Variants in SIL1 observed in about 807,000 individuals in gnomAD.
The protein encoded by SIL1 is SIL1 nucleotide exchange factor.
Under a neutral mutation model 49.1 loss-of-function variants are expected in SIL1, and 40 were observed. That is an observed-to-expected ratio of 0.81 (90% CI 0.63 to 1.06). The LOEUF (loss-of-function observed/expected upper bound fraction) is 1.06, where lower values mean the gene tolerates loss of function less well. SIL1 is among the 50% of genes least tolerant of loss of function. The pLI, the probability that SIL1 is intolerant of heterozygous loss-of-function variation, is 0.00. For synonymous variants in SIL1, 253 were observed against 250.8 expected, an observed-to-expected ratio of 1.01 and a Z score of -0.08; for missense variants, 500 against 572.6, an observed-to-expected ratio of 0.87 and a Z score of 1.29.
chr5:139,143,344 C>CACACAT (rs1451727500), intron 1 of SIL1, among the ~76,000 whole-genome samples: 60 of 97,490 alleles, frequency 6.2e-4, no homozygotes, highest in African/African-American at 1.7e-3. Flanking sequence ...CACACACACA[C>CACACAT]ATATATATAT....
At chr5:138,965,013 G>A (rs528155417) in intron 7 of SIL1, among the ~76,000 whole-genome samples, 69 of 152,376 alleles carry the variant, frequency 4.5e-4, no homozygotes, top group African/African-American at 1.5e-3. Flanking sequence ...TGAGGGTGAC[G>A]CTGGGAAGAG....
At chr5:138,950,433 G>A (rs141571288) in intron 9 of SIL1, among the ~76,000 whole-genome samples, 72 of 152,328 alleles carry the variant, frequency 4.7e-4, no homozygotes, top group African/African-American at 1.7e-3. Context: ...GAAGGCCTGG[G>A]GGAGGCGTGT....
At chr5:138,998,448 G>A (rs1006606259) in intron 7 of SIL1, among the ~76,000 whole-genome samples, 22 of 152,148 alleles carry the variant, frequency 1.4e-4, no homozygotes, top group African/African-American at 1.4e-4. Flanking sequence ...GATAATAAGC[G>A]TGAGCCACTG....
At position 138,974,667 on chromosome 5, in the gene SIL1, G is replaced by A. The variant is rs150515076; in HGVS notation, c.768-22783C>T. ...AAAGTATGAAAGCTGGAGAGGGAAGGAGCCCCTGTTTCCGGGCCTGGGTTT... is the reference window on the plus strand; with the variant it reads ...AAAGTATGAAAGCTGGAGAGGGAAGAAGCCCCTGTTTCCGGGCCTGGGTTT... On this transcript the variant is annotated intron_variant, in intron 7 of 9. Coordinates refer to ENST00000394817, the MANE Select transcript of SIL1 (RefSeq NM_022464.5). Among the ~76,000 whole-genome samples, 626 of 152,322 alleles carry A rather than the reference G, an allele frequency of 4.1e-3. 2 individuals are homozygous for A. The highest frequency in any genetic ancestry group is 0.014 in the African/African-American group (597 of 41,564).
chr5:138,981,297 G>A (rs975032475), intron 7 of SIL1, among the ~76,000 whole-genome samples: 9 of 151,752 alleles, frequency 5.9e-5, no homozygotes, highest in African/African-American at 1.7e-4. Context: ...TCTGGGTCTC[G>A]GACCACAAGC....
At chr5:139,078,808 T>G (rs1330420075) in intron 3 of SIL1, among the ~76,000 whole-genome samples, 2 of 152,216 alleles carry the variant, frequency 1.3e-5, no homozygotes, top group Non-Finnish European at 2.9e-5. Context: ...AGCAGCTGTT[T>G]AAGAGATACA....
chr5:139,051,020 C>T lies in SIL1; in HGVS notation c.271G>A (p.Val91Ile), dbSNP rs201418882. 1.1e-5 allele frequency: 17 copies of T among 1,614,040 alleles called. No individual in the cohort carries two copies. Among genetic ancestry groups the T allele is most frequent in the South Asian group, 3.3e-5 (3 of 91,088 alleles). The change falls in exon 4 of 10, where the codon GTA (valine) becomes ATA (isoleucine). Residue 91 changes from valine to isoleucine, a missense_variant. Physicochemically the swap from Val to Ile is conservative, Grantham distance 29. Transcript: ENST00000394817. ...PGQAVPAGSH[V>I]RLNLQTGERE... ...TCCCCAGTCTGAAGATTCAGCCGTA[C>T]GTGGGATCCTGCAGGGACAGCCTGC... is the stretch of plus-strand genomic sequence containing the variant.
chr5:139,154,601 G>C (rs1402960459), intron 1 of SIL1, among the ~76,000 whole-genome samples: 1 of 152,172 alleles, frequency 6.6e-6, no homozygotes, highest in African/African-American at 2.4e-5. Context: ...AGCCTCTCCT[G>C]CCCCTTGCCC....
intron 4 of SIL1, among the ~76,000 whole-genome samples, chr5:139,044,697 AG>A (rs1361200760): frequency 6.6e-6 from 1 of 152,140 alleles, no homozygotes; most frequent in Non-Finnish European, 1.5e-5. Flanking sequence ...CCTTTACAAA[AG>A]CTTTAACTCC....
At chr5:139,158,291 G>A (rs950301833) in intron 1 of SIL1, among the ~76,000 whole-genome samples, 1 of 152,190 alleles carries the variant, frequency 6.6e-6, no homozygotes, top group South Asian at 2.1e-4. Flanking sequence ...AGCTAGAGAA[G>A]AACTAAAAGA....
intron 6 of SIL1, 118 bp from the exon 7 acceptor site, chr5:139,021,410 A>C: frequency 4.2e-6 from 6 of 1,443,046 alleles, no homozygotes; most frequent in Admixed American, 2.0e-5. Context: ...AAAATCAATA[A>C]TGGCCTTTTT....
intron 1 of SIL1, among the ~76,000 whole-genome samples, chr5:139,160,186 C>A (rs1011256349): frequency 1.4e-5 from 2 of 139,064 alleles, no homozygotes; most frequent in Non-Finnish European, 3.1e-5. Context: ...CACACACACA[C>A]AAAAGTTATA....
intron 2 of SIL1, among the ~76,000 whole-genome samples, chr5:139,125,305 C>T (rs1322593083): frequency 2.0e-5 from 3 of 152,240 alleles, no homozygotes. Flanking sequence ...TACCAATTTC[C>T]TCTCAAGTGA....
chr5:139,062,872 G>A (rs1306438560), intron 3 of SIL1, among the ~76,000 whole-genome samples: 2 of 152,196 alleles, frequency 1.3e-5, no homozygotes, highest in Non-Finnish European at 2.9e-5. Flanking sequence ...AGCTTACCAT[G>A]TGCCCACAAA....
At chr5:139,159,932 C>A (rs1751477009) in intron 1 of SIL1, among the ~76,000 whole-genome samples, 1 of 152,040 alleles carries the variant, frequency 6.6e-6, no homozygotes, top group Non-Finnish European at 1.5e-5. Flanking sequence ...AAAACAAAAA[C>A]CCTCAACCTA....
At chr5:139,048,202 G>A (rs988974637) in intron 4 of SIL1, among the ~76,000 whole-genome samples, 18 of 151,720 alleles carry the variant, frequency 1.2e-4, no homozygotes, top group Non-Finnish European at 2.2e-4. Context: ...CCAGGCTGCA[G>A]TACAGTGGCA....
At chr5:139,175,103 C>T (rs1751853035) in intron 1 of SIL1, among the ~76,000 whole-genome samples, 1 of 152,086 alleles carries the variant, frequency 6.6e-6, no homozygotes, top group Non-Finnish European at 1.5e-5. Flanking sequence ...AGGTGGATCA[C>T]CTGAGGTCAG....
intron 1 of SIL1, among the ~76,000 whole-genome samples, chr5:139,138,681 T>C (rs1400781817): frequency 6.6e-6 from 1 of 152,220 alleles, no homozygotes; most frequent in Non-Finnish European, 1.5e-5. Context: ...TGACTGTCTA[T>C]ATTAAATGAG....
chr5:138,958,703 A>G (rs1423889632), intron 7 of SIL1, among the ~76,000 whole-genome samples: 1 of 152,094 alleles, frequency 6.6e-6, no homozygotes, highest in Non-Finnish European at 1.5e-5. Flanking sequence ...AGTGGTAAGT[A>G]TATAATGCAA....
Sources: allele counts gnomAD v4.1 joint callset (sites outside exome capture counted in the v4.1 genomes callset), GRCh38; gene constraint gnomAD v4.1.1; transcripts MANE v1.5; gene names NCBI Gene and HGNC (gene_info 2026-07-23, HGNC 2026-07-21).